RSRP1: variants seen among roughly 807,000 people sequenced by gnomAD.
RSRP1 encodes arginine/serine-rich protein 1.
In RSRP1, 37 loss-of-function variants were observed where a neutral mutation model predicts 33.0. The ratio of observed to expected loss-of-function variants is 1.12; its 90% CI spans 0.86 to 1.48. RSRP1 has a LOEUF of 1.48. Ranked by LOEUF, RSRP1 falls within the 40% of genes most tolerant of loss-of-function variation. RSRP1 has a pLI of 0.00. For missense variants in RSRP1, 402 were observed against 385.3 expected (o/e 1.04, Z -0.36); for synonymous variants, 167 against 158.7 (o/e 1.05, Z -0.40).
chr1:25,284,995 C>A lies in RSRP1; in HGVS notation c.-66-37966G>T, dbSNP rs191408707. 5.8e-4 allele frequency among the ~76,000 whole-genome samples: 78 copies of A among 135,258 alleles called. 10 individuals carry two copies. The highest frequency in any genetic ancestry group is 1.9e-3 in the African/African-American group (74 of 39,244). The allele number at this position is 135,258 out of a possible 152,430, so 88.7% of individuals were successfully genotyped here. A position where few individuals can be genotyped will look rare whatever the true frequency, so the allele number is the denominator to read the frequency against. On this transcript the variant is annotated intron_variant, in intron 1 of 1. Transcript: ENST00000561867. ...ATCACAAGGAATCCAGGCCTACATT[C>A]CTCCTGCATCCTTTCTTTCCTGTTA...
intron 1 of RSRP1, among the ~76,000 whole-genome samples, chr1:25,282,689 C>T (rs1461533783): frequency 1.5e-5 from 2 of 131,374 alleles, no homozygotes; most frequent in Non-Finnish European, 3.6e-5. Flanking sequence ...CTTTGGGAGA[C>T]GGAGGTGGGT....
intron 1 of RSRP1, 30 bp from the exon 2 acceptor site, chr1:25,247,059 G>C (rs982973653): frequency 7.7e-7 from 1 of 1,306,246 alleles, no homozygotes; most frequent in South Asian, 1.9e-5. Flanking sequence ...AAAACAAGTC[G>C]AGTCGCGGAA....
intron 1 of RSRP1, among the ~76,000 whole-genome samples, chr1:25,319,038 C>T (rs111901471): frequency 0.022 from 2,961 of 131,998 alleles, 488 homozygotes; most frequent in African/African-American, 0.07. Context: ...GAAAGGCTGC[C>T]GGATTTAGCA....
At chr1:25,258,942 C>T (rs1452800875) in intron 1 of RSRP1, among the ~76,000 whole-genome samples, 1 of 152,136 alleles carries the variant, frequency 6.6e-6, no homozygotes, top group Admixed American at 6.5e-5. Flanking sequence ...TTCTCTGCCA[C>T]TCTTTGAGGA....
chr1:25,301,263 T>C (rs1643367947), intron 1 of RSRP1, among the ~76,000 whole-genome samples: 1 of 131,270 alleles, frequency 7.6e-6, no homozygotes, highest in East Asian at 2.0e-4. Context: ...TACCTTTGAA[T>C]TAAGCACTTC....
At chr1:25,258,927 A>T (rs1035934501) in intron 1 of RSRP1, among the ~76,000 whole-genome samples, 1 of 152,186 alleles carries the variant, frequency 6.6e-6, no homozygotes, top group African/African-American at 2.4e-5. Flanking sequence ...ATGGAGTTGA[A>T]TCCTTTCTCT....
rs1337103984 is a variant in RSRP1 at position 25,272,426 on chromosome 1, C to T, written c.-66-25397G>A. 6.6e-6 allele frequency: 7 copies of T among 1,067,968 alleles called. 2 individuals are homozygous for T. In the South Asian group the frequency reaches 9.8e-5, roughly 15 times the overall value. 66.2% of individuals were successfully genotyped at this position (1,067,968 alleles called of 1,614,324 possible). ...AGAGAGGCCAGCACAACCAGCCTTG[C>T]AGCCTGAGATAAGGCCTTTGGCGGG... On this transcript the variant is annotated intron_variant, in intron 1 of 1. Transcript: ENST00000561867.
rs527439963 is a variant in RSRP1, at chr1:25,243,567, T to C, written c.739A>G (p.Ile247Val). ...ATACTTACATTAGAGCTAAAAGCTA[T>C]GCTTCTTTGCTGGGTAGGTTTTTCA... is the stretch of plus-strand genomic sequence containing the variant. ...PNEKPTQQRS[I>V]AFSSNNSVAK... Residue 247 changes from isoleucine (I) to valine (V), a missense_variant, in exon 4 of 5, where the codon ATA (isoleucine) becomes GTA (valine). Ile to Val is a conservative substitution (Grantham distance 29). Transcript: ENST00000243189. 4.9e-5 allele frequency: 79 copies of C among 1,613,906 alleles called. No individual in the cohort carries two copies. The East Asian group carries it at 1.6e-3, about 32-fold the overall frequency.
At chr1:25,285,393 C>A (rs2124624883) in intron 1 of RSRP1, among the ~76,000 whole-genome samples, 1 of 134,744 alleles carries the variant, frequency 7.4e-6, no homozygotes, top group East Asian at 1.9e-4. Flanking sequence ...CTCGGCCTCC[C>A]AAAGTGCTGG....
Position 25,322,094 on chromosome 1 carries a change from A to T in RSRP1, c.-67+15884T>A. On this transcript the variant is annotated intron_variant, in intron 1 of 1. Coordinates refer to the RSRP1 transcript ENST00000561867. ...ATGGAGTAAGGAGCATTGCAGGAGG[A>T]ACTAGAGGAGAAACAAATCCATGAT... is the stretch of plus-strand genomic sequence containing the variant. The T allele has an allele frequency of 7.8e-6, 4 of 511,058 alleles. 1 individual carries two copies. Among genetic ancestry groups the T allele is most frequent in the Non-Finnish European group, 1.2e-5 (3 of 244,672 alleles). 31.7% of individuals were successfully genotyped at this position (511,058 alleles called of 1,614,324 possible).
chr1:25,246,572 T>TA lies in RSRP1; in HGVS notation c.391dup (p.Tyr131LeufsTer42). 1 of 1,614,160 alleles carries TA rather than the reference T, an allele frequency of 6.2e-7. No homozygotes were observed. Among genetic ancestry groups the TA allele is most frequent in the Non-Finnish European group, 8.5e-7 (1 of 1,180,032 alleles). On this transcript the variant is annotated frameshift_variant, in exon 2 of 5. Transcript: ENST00000243189. LOFTEE classifies it high-confidence loss of function. The stretch of plus-strand genomic sequence containing the variant: ...GTAGCGCTGTCCCCGCGCGATCGCG[T>TA]ACGCCCTTCCGCAGTACGACCTTCC...
upstream of RSRP1, among the ~76,000 whole-genome samples, chr1:25,249,360 G>C (rs1408788605): frequency 6.6e-6 from 1 of 151,310 alleles, no homozygotes; most frequent in Non-Finnish European, 1.5e-5. Context: ...TTTTTTTTAA[G>C]ACAGTCTCGC....
In RSRP1 at chr1:25,310,970, T is replaced by A. The variant is rs113565095; in HGVS notation, c.-67+27008A>T. ...CTTGGGCAACAAGAGCAAAACTCCATCTCAAAAAAAAAAAAAAAGAAAGAA... is the reference window on the plus strand; with the variant it reads ...CTTGGGCAACAAGAGCAAAACTCCAACTCAAAAAAAAAAAAAAAGAAAGAA... On this transcript the variant is annotated intron_variant, in intron 1 of 1. Coordinates refer to the RSRP1 transcript ENST00000561867. Among the ~76,000 whole-genome samples the A allele has an allele frequency of 2.9e-4, 31 of 107,116 alleles. 3 individuals carry two copies. The South Asian group carries it at 3.6e-3, about 12-fold the overall frequency. The allele number at this position is 107,116 out of a possible 152,430, so 70.3% of individuals were successfully genotyped here.
At chr1:25,316,390 C>T (rs1284652627) in intron 1 of RSRP1, among the ~76,000 whole-genome samples, 1 of 129,024 alleles carries the variant, frequency 7.8e-6, no homozygotes, top group Non-Finnish European at 1.8e-5. Flanking sequence ...GAGGCCGAGG[C>T]GGGCAGATCA....
intron 1 of RSRP1, among the ~76,000 whole-genome samples, chr1:25,333,558 A>T (rs1329570236): frequency 7.7e-6 from 1 of 130,310 alleles, no homozygotes; most frequent in African/African-American, 2.7e-5. Flanking sequence ...CGGATAAGTG[A>T]TCTAACTCCT....
At position 25,303,684 on chromosome 1, in the gene RSRP1, AG is replaced by A. The variant is rs1320342648; in HGVS notation, c.-67+34293del. Among the ~76,000 whole-genome samples, 2 of 131,488 alleles carry A rather than the reference AG, an allele frequency of 1.5e-5. 1 individual carries two copies. Among genetic ancestry groups the A allele is most frequent in the African/African-American group, 5.2e-5 (2 of 38,168 alleles). The allele number at this position is 131,488 out of a possible 152,430, so 86.3% of individuals were successfully genotyped here. On this transcript the variant is annotated intron_variant, in intron 1 of 1. Coordinates refer to the RSRP1 transcript ENST00000561867. ...ATTTGAGCTTGCTTGGGCATTGGGG[AG>A]AATTTGTTATCAGGCTACTGGGGTG...
rs1362359973 is a variant in RSRP1 at position 25,273,382 on chromosome 1, G to A, written c.-66-26353C>T. Among the ~76,000 whole-genome samples, 15 of 99,944 alleles carry A rather than the reference G, an allele frequency of 1.5e-4. 4 individuals are homozygous for A. Among genetic ancestry groups the A allele is most frequent in the Non-Finnish European group, 3.4e-4 (14 of 41,748 alleles). The allele number at this position is 99,944 out of a possible 152,430, so 65.6% of individuals were successfully genotyped here. On this transcript the variant is annotated intron_variant, in intron 1 of 1. Coordinates refer to the RSRP1 transcript ENST00000561867. ...TGGTCTCAAACTCCTGGACACAAGC[G>A]ATCCTCCAGCCTCAGTCTCCCAAAG...
intron 1 of RSRP1, among the ~76,000 whole-genome samples, chr1:25,276,527 ATCTCT>A: frequency 2.8e-5 from 1 of 35,212 alleles, no homozygotes; most frequent in African/African-American, 4.9e-5. Context: ...ACCCCCCCCC[ATCTCT>A]AAAAAAAAAA....
intron 1 of RSRP1, among the ~76,000 whole-genome samples, chr1:25,292,896 G>A (rs1456392798): frequency 2.5e-5 from 3 of 121,172 alleles, no homozygotes; most frequent in Admixed American, 1.6e-4. Flanking sequence ...ACATGTGTAA[G>A]AGCCAGCAAA....
Sources: allele counts gnomAD v4.1 joint callset (sites outside exome capture counted in the v4.1 genomes callset), GRCh38; gene constraint gnomAD v4.1.1; transcripts MANE v1.5; gene names NCBI Gene and HGNC (gene_info 2026-07-23, HGNC 2026-07-21).